PKM: variants seen among roughly 807,000 people sequenced by gnomAD.
PKM encodes pyruvate kinase PKM.
In PKM, 18 loss-of-function variants were observed where a neutral mutation model predicts 49.8. That is an observed-to-expected ratio of 0.36 (90% CI 0.25 to 0.54). The LOEUF is 0.54. Ranked by LOEUF, PKM falls within the 20% of genes least tolerant of loss-of-function variation. The pLI is 0.89. For synonymous variants in PKM, 239 were observed against 261.8 expected, an observed-to-expected ratio of 0.91 and a Z score of 0.84; for missense variants, 508 against 713.8, an observed-to-expected ratio of 0.71 and a Z score of 3.28.
chr15:72,209,174 C>T (rs2082165673), intron 5 of PKM, among the ~76,000 whole-genome samples: 1 of 151,924 alleles, frequency 6.6e-6, no homozygotes, highest in Admixed American at 6.6e-5. Flanking sequence ...TGAGACCAGC[C>T]TGGCCAACAT....
intron 8 of PKM, among the ~76,000 whole-genome samples, chr15:72,205,017 G>A (rs977975611): frequency 2.0e-5 from 3 of 152,170 alleles, no homozygotes; most frequent in Non-Finnish European, 2.9e-5. Context: ...CATCAGAACA[G>A]CAATCACATC....
chr15:72,202,363 AC>A lies in PKM; in HGVS notation c.1307+90del. The A allele has an allele frequency of 7.5e-7, 1 of 1,330,332 alleles. No individual in the cohort carries two copies. Among genetic ancestry groups the A allele is most frequent in the Non-Finnish European group, 1.1e-6 (1 of 947,898 alleles). 82.4% of individuals were successfully genotyped at this position (1,330,332 alleles called of 1,614,324 possible). A position where few individuals can be genotyped will look rare whatever the true frequency, so the allele number is the denominator to read the frequency against. On this transcript the variant is annotated intron_variant, in intron 9 of 10. Transcript: ENST00000335181. The surrounding 1 kb of genome is among the most constrained non-coding windows in gnomAD (Gnocchi z 4.5). ...AGGGGTCTTACCTTGGCTCAGTGCC[AC>A]CTGAGCATTGTTCAATGGACTGCTC...
chr15:72,209,000 T>A, intron 5 of PKM, 109 bp from the exon 6 acceptor site: 1 of 1,206,774 alleles, frequency 8.3e-7, no homozygotes. Context: ...GCATTATGGG[T>A]GCTGGAGCTG....
Position 72,208,940 on chromosome 15 carries a change from C to G in PKM, c.566-49G>C, listed in dbSNP as rs536152794. On this transcript the variant is annotated intron_variant, in intron 5 of 10. Transcript: ENST00000335181. ...GGAGGCAGAGCACGAGGGCACAGGT[C>G]AACAGGAAGCAGGCACCTTTCCCGC... is the stretch of plus-strand genomic sequence containing the variant. The G allele has an allele frequency of 6.3e-6, 10 of 1,578,982 alleles. No individual in the cohort carries two copies. In the South Asian group the frequency reaches 1.1e-4, roughly 18 times the overall value.
chr15:72,221,131 A>G, intron 1 of PKM: 1 of 1,208,934 alleles, frequency 8.3e-7, no homozygotes, highest in East Asian at 2.5e-5. Context: ...GTCTTCCTGT[A>G]AAGACCTGGC....
intron 2 of PKM, among the ~76,000 whole-genome samples, chr15:72,217,829 G>C (rs2082413642): frequency 6.6e-6 from 1 of 152,236 alleles, no homozygotes; most frequent in African/African-American, 2.4e-5. Flanking sequence ...ATGTTAGAAA[G>C]ATCTTTCCTA....
At chr15:72,208,430 AAAACAAAAAAAC>A (rs1353269425) in intron 6 of PKM, among the ~76,000 whole-genome samples, 179 bp downstream of exon 6, 1 of 151,596 alleles carries the variant, frequency 6.6e-6, no homozygotes, top group African/African-American at 2.4e-5. Flanking sequence ...TTTTTTAAAA[AAAACAAAAAAAC>A]AAAAACAAAA....
chr15:72,219,137 T>A, intron 1 of PKM, 27 bp from the exon 2 acceptor site: 1 of 1,601,636 alleles, frequency 6.2e-7, no homozygotes, highest in Non-Finnish European at 8.5e-7. Context: ...TGAAAGAGAG[T>A]GGTAAGACTG....
rs888703563 is a variant in PKM, at chr15:72,208,666, T to C, written c.791A>G (p.Asn264Ser). The C allele has an allele frequency of 6.2e-7, 1 of 1,614,144 alleles. No individual in the cohort carries two copies. Among genetic ancestry groups the C allele is most frequent in the Non-Finnish European group, 8.5e-7 (1 of 1,180,026 alleles). Residue 264 changes from asparagine to serine, a missense_variant, in exon 6 of 11, where the codon AAC (asparagine) becomes AGC (serine). Asn to Ser is a conservative substitution (Grantham distance 46). Coordinates refer to ENST00000335181, the MANE Select transcript of PKM (RefSeq NM_002654.6). ...VRKVLGEKGK[N>S]IKIISKIENH... ...CTCGATTTTGCTGATAATCTTGATG[T>C]TCTTTCCCTTCTCTCCCAGGACCTT...
chr15:72,205,811 G>A (rs1271911433), intron 8 of PKM, among the ~76,000 whole-genome samples: 2 of 152,004 alleles, frequency 1.3e-5, no homozygotes, highest in Admixed American at 1.3e-4. Context: ...TAAGACTACT[G>A]GGAGAAAGTT....
At chr15:72,217,327 C>T in intron 3 of PKM, 82 bp downstream of exon 3, 1 of 834,688 alleles carries the variant, frequency 1.2e-6, no homozygotes, top group African/African-American at 1.7e-5. Context: ...TTGTCTAGTC[C>T]ACTGTGGCTA....
intron 4 of PKM, 46 bp downstream of exon 4, chr15:72,210,301 C>T (rs374861309): frequency 3.7e-6 from 6 of 1,602,910 alleles, no homozygotes; most frequent in South Asian, 1.1e-5. Flanking sequence ...GTCTCTGGGG[C>T]ATATTGCCTA....
chr15:72,210,357 A>G lies in PKM; in HGVS notation c.368T>C (p.Leu123Pro). The G allele has an allele frequency of 6.2e-7, 1 of 1,614,066 alleles. No homozygotes were observed. The highest frequency in any genetic ancestry group is 8.5e-7 in the Non-Finnish European group (1 of 1,180,000). The change falls in exon 4 of 11, where the codon CTC becomes CCC. Residue 123 changes from leucine (L) to proline (P), a missense_variant. By Grantham distance (98) the Leu-to-Pro change is moderately conservative. Transcript: ENST00000335181. ...DTKGPEIRTG[L>P]IKGSGTAEVE... Reference sequence around the variant, plus strand: ...CCGCAGAATACTCACGCCCTTGATGAGCCCAGTTCGGATCTCAGGTCCTTT... The same window carrying G: ...CCGCAGAATACTCACGCCCTTGATGGGCCCAGTTCGGATCTCAGGTCCTTT...
chr15:72,211,118 T>C (rs1029077548), intron 3 of PKM, among the ~76,000 whole-genome samples: 1 of 150,970 alleles, frequency 6.6e-6, no homozygotes, highest in East Asian at 2.0e-4. Flanking sequence ...CAGGCTGGAG[T>C]GCAGTGGCAC....
intron 1 of PKM, chr15:72,221,308 C>T (rs1318600089): frequency 1.4e-6 from 2 of 1,389,352 alleles, no homozygotes; most frequent in African/African-American, 1.4e-5. Flanking sequence ...AAGGAAAAAG[C>T]TGAGTGTAAC....
Position 72,199,125 on chromosome 15 carries a change from G to A in PKM, c.*525C>T. 3.3e-6 allele frequency: 1 copy of A among 304,436 alleles called. No individual in the cohort carries two copies. The highest frequency in any genetic ancestry group is 6.4e-6 in the Non-Finnish European group (1 of 155,360). The allele number at this position is 304,436 out of a possible 1,614,324, so 18.9% of individuals were successfully genotyped here. ...GGGGGAAAATGGAAGGTGGAGGGTGGAGTGTTTGCTGCAGGACAGCTGAGT... is the reference window on the plus strand; with the variant it reads ...GGGGGAAAATGGAAGGTGGAGGGTGAAGTGTTTGCTGCAGGACAGCTGAGT... On this transcript the variant is annotated 3_prime_UTR_variant, in exon 11 of 11. Coordinates refer to ENST00000335181, the MANE Select transcript of PKM (RefSeq NM_002654.6).
At chr15:72,209,931 A>G in intron 4 of PKM, 72 bp from the exon 5 acceptor site, 1 of 1,298,902 alleles carries the variant, frequency 7.7e-7, no homozygotes, top group South Asian at 1.2e-5. Flanking sequence ...AAGGAATGGA[A>G]AAGCTCTTTC....
intron 1 of PKM, among the ~76,000 whole-genome samples, chr15:72,230,097 C>G (rs1004837491): frequency 6.6e-6 from 1 of 152,082 alleles, no homozygotes; most frequent in African/African-American, 2.4e-5. Flanking sequence ...TGCAGCCCGG[C>G]CGCGGCGAGA....
At chr15:72,213,119 G>T (rs766399976) in intron 3 of PKM, among the ~76,000 whole-genome samples, 3 of 151,758 alleles carry the variant, frequency 2.0e-5, no homozygotes, top group Admixed American at 6.6e-5. Context: ...ACTTAATCCC[G>T]ATGTAGAATT....
Sources: gnomAD v4.1 joint callset for allele counts (sites outside exome capture counted in the v4.1 genomes callset) on GRCh38, gnomAD v4.1.1 for gene constraint, Gnocchi (gnomAD v3.1) non-coding constraint, MANE v1.5 for transcripts, NCBI Gene and HGNC (gene_info 2026-07-23, HGNC 2026-07-21) for gene names.